Variants in AMZ2 observed in about 807,000 individuals in gnomAD.
AMZ2 encodes the protein archaelysin family metallopeptidase 2, also known as archaemetzincin-2.
In AMZ2, 26 loss-of-function variants were observed where a neutral mutation model predicts 36.7. The ratio of observed to expected loss-of-function variants is 0.71; its 90% confidence interval spans 0.52 to 0.98. The LOEUF (loss-of-function observed/expected upper bound fraction) is 0.98. Ranked by LOEUF, AMZ2 falls within the 50% of genes least tolerant of loss-of-function variation. The probability of loss-of-function intolerance (pLI) is 0.00; values close to 1 mark genes in which losing one functional copy is unlikely to be tolerated. For missense variants in AMZ2, 394 were observed against 430.5 expected, an observed-to-expected ratio of 0.92 and a Z score of 0.75; for synonymous variants, 144 against 149.1, an observed-to-expected ratio of 0.97 and a Z score of 0.25.
chr17:68,219,208 G>A (rs1251195972), intron 1 of AMZ2, among the ~76,000 whole-genome samples: 1 of 152,028 alleles, frequency 6.6e-6, no homozygotes, highest in Non-Finnish European at 1.5e-5. Flanking sequence ...CTTGTAATCC[G>A]CCCGCCTCAG....
intron 5 of AMZ2, 102 bp from the exon 6 acceptor site, chr17:68,255,598 A>G: frequency 1.6e-6 from 2 of 1,242,540 alleles, no homozygotes; most frequent in East Asian, 4.7e-5. Flanking sequence ...GGTAATGGTA[A>G]GGGAGTTGAT....
intron 6 of AMZ2, 56 bp from the exon 7 acceptor site, chr17:68,256,758 G>T: frequency 6.4e-7 from 1 of 1,574,332 alleles, no homozygotes; most frequent in Non-Finnish European, 8.6e-7. Context: ...CTTCTCTCTT[G>T]CCTGATGGTA....
At chr17:68,208,546 A>G (rs1194659888) in intron 1 of AMZ2, among the ~76,000 whole-genome samples, 3 of 152,150 alleles carry the variant, frequency 2.0e-5, no homozygotes, top group Admixed American at 6.5e-5. Flanking sequence ...AAATGGACCA[A>G]TCAGCAGGAT....
At chr17:68,238,602 C>CACACACAA (rs2073840566) in intron 1 of AMZ2, among the ~76,000 whole-genome samples, 1 of 151,754 alleles carries the variant, frequency 6.6e-6, no homozygotes, top group African/African-American at 2.4e-5. Flanking sequence ...CACACACACA[C>CACACACAA]AATCAGATTG....
chr17:68,236,339 A>G (rs1224867338), intron 1 of AMZ2, among the ~76,000 whole-genome samples: 1 of 152,038 alleles, frequency 6.6e-6, no homozygotes, highest in Non-Finnish European at 1.5e-5. Context: ...TATGAACATG[A>G]TATTATACTA....
intron 1 of AMZ2, among the ~76,000 whole-genome samples, chr17:68,229,622 CAG>C (rs782168468): frequency 1.3e-4 from 20 of 152,356 alleles, no homozygotes; most frequent in South Asian, 2.1e-4. Flanking sequence ...GGAATTTAAA[CAG>C]GGGATACTGG....
At chr17:68,244,608 T>C, upstream of AMZ2, among the ~76,000 whole-genome samples, 1 of 152,166 alleles carries the variant, frequency 6.6e-6, no homozygotes, top group East Asian at 1.9e-4. Context: ...CTCAAATGGT[T>C]CAGGAAAACA....
At chr17:68,213,489 G>A (rs1170902836) in intron 1 of AMZ2, among the ~76,000 whole-genome samples, 1 of 152,208 alleles carries the variant, frequency 6.6e-6, no homozygotes, top group Non-Finnish European at 1.5e-5. Context: ...ATGGAAAGGA[G>A]AGTAGAAACT....
Position 68,255,805 on chromosome 17 carries a change from C to A in AMZ2, c.856C>A (p.Leu286Ile). Residue 286 changes from leucine (L) to isoleucine (I), a missense_variant, in exon 6 of 7, where the codon CTA (leucine) becomes ATA (isoleucine). Transcript: ENST00000359904. ...CTTGGAAGAAGCTGACCGGCGCCCTCTAAACCTTTGCCCTATCTGTTTGCA... is the reference window on the plus strand; with the variant it reads ...CTTGGAAGAAGCTGACCGGCGCCCTATAAACCTTTGCCCTATCTGTTTGCA... ...NHLEEADRRP[L>I]NLCPICLHKL... 6.2e-7 allele frequency: 1 copy of A among 1,614,158 alleles called. No homozygotes were observed. Among genetic ancestry groups the A allele is most frequent in the Non-Finnish European group, 8.5e-7 (1 of 1,180,030 alleles).
At chr17:68,213,059 TGAGTAACACAAC>T in intron 1 of AMZ2, among the ~76,000 whole-genome samples, 1 of 152,358 alleles carries the variant, frequency 6.6e-6, no homozygotes, top group South Asian at 2.1e-4. Flanking sequence ...ATCCTCGTTT[TGAGTAACACAAC>T]CACAAAGTAA....
Position 68,235,869 on chromosome 17 carries a change from C to T in AMZ2, c.-66-12771C>T, listed in dbSNP as rs1214276139. ...TTTCGAGATAGTTTCTCACTTGGTC[C>T]ACCAGGCTGGAATGCAGTGGCACAA... On this transcript the variant is annotated intron_variant, in intron 1 of 7. Transcript: ENST00000674770. The surrounding 1 kb of genome is among the most constrained non-coding windows in gnomAD (Gnocchi z 4.2). Among the ~76,000 whole-genome samples, 1 of 151,908 alleles carries T rather than the reference C, an allele frequency of 6.6e-6. No homozygotes were observed. Among genetic ancestry groups the T allele is most frequent in the Non-Finnish European group, 1.5e-5 (1 of 67,966 alleles).
At chr17:68,223,158 T>A (rs2073412785) in intron 1 of AMZ2, among the ~76,000 whole-genome samples, 2 of 152,162 alleles carry the variant, frequency 1.3e-5, no homozygotes, top group South Asian at 4.1e-4. Flanking sequence ...TTCTCTTCTT[T>A]CAAATTTTGT....
Position 68,256,829 on chromosome 17 carries a change from A to G in AMZ2, c.943A>G (p.Ile315Val), listed in dbSNP as rs1555743029. 1 of 1,612,968 alleles carries G rather than the reference A, an allele frequency of 6.2e-7. No homozygotes were observed. The highest frequency in any genetic ancestry group is 1.1e-5 in the South Asian group (1 of 90,810). ...VERYKALVRW[I>V]DDESSDTPGA... is the part of the protein sequence containing the mutation. ...GTTTTTCCAGGCACTGGTGAGGTGGATTGATGATGAATCTTCTGACACACC... is the reference window on the plus strand; with the variant it reads ...GTTTTTCCAGGCACTGGTGAGGTGGGTTGATGATGAATCTTCTGACACACC... The change falls in exon 7 of 7, where the codon ATT (isoleucine) becomes GTT (valine). Residue 315 changes from isoleucine to valine, a missense_variant. Physicochemically the swap from Ile to Val is conservative, Grantham distance 29 (BLOSUM62 3). Transcript: ENST00000359904.
At chr17:68,208,276 C>T (rs1555724888) in intron 1 of AMZ2, among the ~76,000 whole-genome samples, 1 of 151,332 alleles carries the variant, frequency 6.6e-6, no homozygotes, top group Non-Finnish European at 1.5e-5. Context: ...AGCTGGGCTC[C>T]TGACTCTGGT....
At chr17:68,225,015 TA>T (rs34686374) in intron 1 of AMZ2, among the ~76,000 whole-genome samples, 32,821 of 141,928 alleles carry the variant, frequency 0.23, 4,332 homozygotes, top group African/African-American at 0.38. Flanking sequence ...CCGTTTCTAC[TA>T]AAAAAAAAAA....
rs2072823333 is a variant in AMZ2, at chr17:68,206,183, C to A, written c.-122C>A. ...AGGAGCTGGAAGACGACGACGACGCCAGTTACTGCACAGAAAGCAGCTTCA... is the reference window on the plus strand; with the variant it reads ...AGGAGCTGGAAGACGACGACGACGCAAGTTACTGCACAGAAAGCAGCTTCA... On this transcript the variant is annotated 5_prime_UTR_variant, in exon 1 of 8. Transcript: ENST00000674770. 3 of 1,305,792 alleles carry A rather than the reference C, an allele frequency of 2.3e-6. No homozygotes were observed. In the Admixed American group the frequency reaches 9.2e-5, roughly 40 times the overall value. The allele number at this position is 1,305,792 out of a possible 1,614,324, so 80.9% of individuals were successfully genotyped here. A position where few individuals can be genotyped will look rare whatever the true frequency, so the allele number is the denominator to read the frequency against.
chr17:68,222,423 C>G (rs1169488891), intron 1 of AMZ2, among the ~76,000 whole-genome samples: 1 of 152,204 alleles, frequency 6.6e-6, no homozygotes, highest in African/African-American at 2.4e-5. Context: ...GCACCAGGGA[C>G]TGGTTTTGTG....
chr17:68,234,305 C>T (rs1293687478), intron 1 of AMZ2, among the ~76,000 whole-genome samples: 16 of 151,120 alleles, frequency 1.1e-4, no homozygotes, highest in African/African-American at 3.7e-4. Flanking sequence ...TAAGATTAAC[C>T]AGGTGTGGTG....
At chr17:68,242,441 C>CT (rs35025365) in intron 1 of AMZ2, among the ~76,000 whole-genome samples, 6 of 151,520 alleles carry the variant, frequency 4.0e-5, no homozygotes, top group South Asian at 2.1e-4. Flanking sequence ...TTTATCAGCA[C>CT]TTTTTTTTTG....
Sources: allele counts gnomAD v4.1 joint callset (sites outside exome capture counted in the v4.1 genomes callset), GRCh38; gene constraint gnomAD v4.1.1; non-coding constraint Gnocchi (gnomAD v3.1); transcripts MANE v1.5; gene names NCBI Gene and HGNC (gene_info 2026-07-23, HGNC 2026-07-21).